ROCK1: variants seen among roughly 807,000 people sequenced by gnomAD.
ROCK1 encodes rho-associated protein kinase 1.
Under a neutral mutation model 196.8 loss-of-function variants are expected in ROCK1, and 36 were observed. That is an observed-to-expected ratio of 0.18 (90% CI 0.14 to 0.24). The LOEUF (loss-of-function observed/expected upper bound fraction) is 0.24, where lower values mean the gene tolerates loss of function less well. Among genes scored for constraint, ROCK1 ranks in the 10% least tolerant of loss-of-function variants. The pLI, the probability that ROCK1 is intolerant of heterozygous loss-of-function variation, is 1.00. For synonymous variants in ROCK1, 443 were observed against 515.9 expected (o/e 0.86, Z 1.91); for missense variants, 920 against 1,562.0 (o/e 0.59, Z 6.93).
intron 29 of ROCK1, among the ~76,000 whole-genome samples, chr18:20,958,893 T>TTATATATATATTATATATATAAATATATA (rs1568367050): frequency 3.8e-5 from 1 of 26,316 alleles, no homozygotes; most frequent in African/African-American, 2.4e-4. Flanking sequence ...ATATATATAT[T>TTATATATATATTATATATATAAATATATA]TATTTATATA....
At position 21,070,517 on chromosome 18, in the gene ROCK1, C is replaced by CA. The variant is rs756860467; in HGVS notation, c.175+14dup. 4 of 1,478,144 alleles carry CA rather than the reference C, an allele frequency of 2.7e-6. No individual in the cohort carries two copies. The highest frequency in any genetic ancestry group is 3.8e-6 in the Non-Finnish European group (4 of 1,066,306). 91.6% of individuals were successfully genotyped at this position (1,478,144 alleles called of 1,614,324 possible). A position where few individuals can be genotyped will look rare whatever the true frequency, so the allele number is the denominator to read the frequency against. On this transcript the variant is annotated intron_variant, in intron 2 of 32. Transcript: ENST00000399799. ...ATATGAAGTCTGTCATTAACCTCCACAAAAAATTACTTACATCTGCTTAAA... is the reference window on the plus strand; with the variant it reads ...ATATGAAGTCTGTCATTAACCTCCACAAAAAAATTACTTACATCTGCTTAAA...
At chr18:21,092,598 A>AAAT (rs1555756266) in intron 1 of ROCK1, among the ~76,000 whole-genome samples, 8 of 151,738 alleles carry the variant, frequency 5.3e-5, no homozygotes, top group African/African-American at 1.9e-4. Context: ...AAAAAAAAAA[A>AAAT]AAAAAACCAA....
intron 8 of ROCK1, among the ~76,000 whole-genome samples, chr18:21,041,630 T>C (rs1427045276): frequency 1.3e-5 from 2 of 152,124 alleles, no homozygotes; most frequent in Admixed American, 6.5e-5. Flanking sequence ...CTTTATACTA[T>C]TGACTCTTTC....
At chr18:21,073,063 CAAAAAAAAAAAAAAAAAA>C (rs541290068) in intron 1 of ROCK1, among the ~76,000 whole-genome samples, 14 of 32,744 alleles carry the variant, frequency 4.3e-4, no homozygotes, top group Admixed American at 1.8e-3. Context: ...ACTCCGTCTC[CAAAAAAAAAAAAAAAAAA>C]AAAAAAAAAA....
intron 3 of ROCK1, 121 bp from the exon 4 acceptor site, chr18:21,049,350 T>G (rs2143517187): frequency 1.4e-6 from 1 of 738,776 alleles, no homozygotes; most frequent in Non-Finnish European, 2.0e-6. Context: ...ACTGTTTCAG[T>G]TATTTTTATT....
rs372916822 is a variant in ROCK1, at chr18:21,082,364, T to TA, written c.94-11752dup. 2.7e-3 allele frequency among the ~76,000 whole-genome samples: 410 copies of TA among 152,206 alleles called. 2 individuals carry two copies. The highest frequency in any genetic ancestry group is 4.7e-3 in the Non-Finnish European group (321 of 68,016). On this transcript the variant is annotated intron_variant, in intron 1 of 32. Transcript: ENST00000399799. ...TGCAGCACTGCCCTGATAGCAAAAC[T>TA]AAAAATATCACACAAAAATTACATA... is the stretch of plus-strand genomic sequence containing the variant.
At chr18:20,977,952 T>G (rs557991762) in intron 22 of ROCK1, among the ~76,000 whole-genome samples, 1 of 152,208 alleles carries the variant, frequency 6.6e-6, no homozygotes, top group Non-Finnish European at 1.5e-5. Context: ...TATCTAACTA[T>G]GATACTTGGC....
Position 20,959,934 on chromosome 18 carries a change from A to G in ROCK1, c.3424-6T>C. On this transcript the variant is annotated splice_region_variant and splice_polypyrimidine_tract_variant and intron_variant, in intron 28 of 32. Coordinates refer to ENST00000399799, the MANE Select transcript of ROCK1 (RefSeq NM_005406.3). ...TTGCTGCTTACCACAACATACTGAAATAAGAAAAAGGGGGGAAGAGTTACA... is the reference window on the plus strand; with the variant it reads ...TTGCTGCTTACCACAACATACTGAAGTAAGAAAAAGGGGGGAAGAGTTACA... The G allele has an allele frequency of 6.4e-7, 1 of 1,565,088 alleles. No homozygotes were observed. The highest frequency in any genetic ancestry group is 8.8e-7 in the Non-Finnish European group (1 of 1,139,992).
In ROCK1 at chr18:21,045,335, C is replaced by T. The variant is rs1164127550; in HGVS notation, c.547G>A (p.Val183Ile). The change falls in exon 5 of 33, where the codon GTT (valine) becomes ATT (isoleucine). Residue 183 changes from valine (V) to isoleucine (I), a missense_variant. Val to Ile is a conservative substitution (Grantham distance 29, BLOSUM62 3). Coordinates refer to ENST00000399799, the MANE Select transcript of ROCK1 (RefSeq NM_005406.3). ...GAATGGATTGCATCCAATGCAAGAA[C>T]TACTTCTGCAGTATAGAATCGTGCC... ...KWARFYTAEV[V>I]LALDAIHSMG... 12 of 1,611,722 alleles carry T rather than the reference C, an allele frequency of 7.4e-6. No individual in the cohort carries two copies. Among genetic ancestry groups the T allele is most frequent in the Non-Finnish European group, 1.0e-5 (12 of 1,179,352 alleles).
intron 2 of ROCK1, among the ~76,000 whole-genome samples, chr18:21,068,139 T>C (rs2036353241): frequency 6.6e-6 from 1 of 152,232 alleles, no homozygotes; most frequent in Non-Finnish European, 1.5e-5. Flanking sequence ...TAAGAAAAAC[T>C]TGCCTAAGGA....
chr18:21,110,923 G>C lies in ROCK1; in HGVS notation c.-13C>G, dbSNP rs778101747. ...CCCCAGTCGACATGTTGCTGCTGCT[G>C]TGACAATGCCCTCTTACCAGCACCA... On this transcript the variant is annotated 5_prime_UTR_variant, in exon 1 of 33. Coordinates refer to ENST00000399799, the MANE Select transcript of ROCK1 (RefSeq NM_005406.3). 2 of 1,604,602 alleles carry C rather than the reference G, an allele frequency of 1.2e-6. No individual in the cohort carries two copies. The highest frequency in any genetic ancestry group is 2.2e-5 in the South Asian group (2 of 90,846).
intron 19 of ROCK1, among the ~76,000 whole-genome samples, chr18:20,985,611 ACAGT>A (rs1472053035): frequency 6.6e-6 from 1 of 152,208 alleles, no homozygotes; most frequent in Non-Finnish European, 1.5e-5. Context: ...AAGTTCCAAC[ACAGT>A]CAGGACCATA....
At chr18:21,018,787 CA>C (rs1253421204) in intron 12 of ROCK1, among the ~76,000 whole-genome samples, 4 of 152,156 alleles carry the variant, frequency 2.6e-5, no homozygotes, top group Non-Finnish European at 5.9e-5. Context: ...TGCTCTGTCA[CA>C]AAATTACCAG....
In ROCK1 at chr18:20,991,250, T is replaced by G; in HGVS notation, c.2069A>C (p.Glu690Ala). The G allele has an allele frequency of 6.2e-7, 1 of 1,611,788 alleles. No individual in the cohort carries two copies. Among genetic ancestry groups the G allele is most frequent in the Non-Finnish European group, 8.5e-7 (1 of 1,178,176 alleles). Residue 690 changes from glutamate to alanine, a missense_variant, in exon 18 of 33, where the codon GAA (glutamate) becomes GCA (alanine). Physicochemically the swap from Glu to Ala is moderately radical, Grantham distance 107. This residue lies in a region of ROCK1 where 520 missense variants were observed against 657.1 expected (regional missense o/e 0.79). Coordinates refer to ENST00000399799, the MANE Select transcript of ROCK1 (RefSeq NM_005406.3). ...TAAACGAGCTTTGGTTACTTTGTGT[T>G]CATTTACCTCTTGTTCTAACCGTTG... is the stretch of plus-strand genomic sequence containing the variant. ...LQQRLEQEVN[E>A]HKVTKARLTD...
At chr18:21,009,454 C>T (rs1471119208) in intron 13 of ROCK1, among the ~76,000 whole-genome samples, 1 of 152,046 alleles carries the variant, frequency 6.6e-6, no homozygotes, top group Non-Finnish European at 1.5e-5. Flanking sequence ...CATTCACCTA[C>T]TGTAGGACAT....
intron 29 of ROCK1, among the ~76,000 whole-genome samples, chr18:20,957,802 A>T (rs1477633068): frequency 1.3e-5 from 2 of 151,416 alleles, no homozygotes; most frequent in Non-Finnish European, 2.9e-5. Flanking sequence ...CTTTCTTCAT[A>T]AATTAAAAAA....
At chr18:21,054,679 T>A (rs1477020061) in intron 2 of ROCK1, among the ~76,000 whole-genome samples, 1 of 152,168 alleles carries the variant, frequency 6.6e-6, no homozygotes, top group Non-Finnish European at 1.5e-5. Context: ...TTTACTGAAC[T>A]TCTCTCCAAT....
Position 20,983,665 on chromosome 18 carries a change from GA to G in ROCK1, c.2489+685del, listed in dbSNP as rs528008775. On this transcript the variant is annotated intron_variant, in intron 20 of 32. Transcript: ENST00000399799. ...AATGCTGAGCGAGAGTATTTTTGGA[GA>G]AAAAAAATATAAAACACACTTTTGC... Among the ~76,000 whole-genome samples, 520 of 151,730 alleles carry G rather than the reference GA, an allele frequency of 3.4e-3. 2 individuals are homozygous for G. The highest frequency in any genetic ancestry group is 0.012 in the African/African-American group (483 of 41,400).
chr18:21,096,296 G>A (rs1352875373), intron 1 of ROCK1, among the ~76,000 whole-genome samples: 2 of 152,000 alleles, frequency 1.3e-5, no homozygotes, highest in African/African-American at 2.4e-5. Context: ...GCCCCCCCGG[G>A]TTCAAGCAAT....
Sources: gnomAD v4.1 joint callset for allele counts (sites outside exome capture counted in the v4.1 genomes callset) on GRCh38, gnomAD v4.1.1 for gene constraint, gnomAD v4.1.1 regional missense constraint, MANE v1.5 for transcripts, NCBI Gene and HGNC (gene_info 2026-07-23, HGNC 2026-07-21) for gene names.